Variants in STUM observed in about 807,000 individuals in gnomAD.
STUM encodes the protein stum, mechanosensory transduction mediator homolog.
A neutral mutation model predicts 15.3 loss-of-function variants in STUM; 8 were observed. The ratio of observed to expected loss-of-function variants is 0.52; its 90% CI spans 0.31 to 0.94. The LOEUF is 0.94. STUM is among the 40% of genes least tolerant of loss of function. The pLI, the probability that STUM is intolerant of heterozygous loss-of-function variation, is 0.05. For missense variants in STUM, 142 were observed against 204.9 expected, an observed-to-expected ratio of 0.69 and a Z score of 1.87; for synonymous variants, 78 against 88.7, an observed-to-expected ratio of 0.88 and a Z score of 0.68.
At chr1:226,590,292 T>C (rs1319432829) in intron 1 of STUM, among the ~76,000 whole-genome samples, 1 of 152,086 alleles carries the variant, frequency 6.6e-6, no homozygotes, top group Non-Finnish European at 1.5e-5. Flanking sequence ...CCCCCTGACC[T>C]CCTGCTCTGA....
intron 2 of STUM, among the ~76,000 whole-genome samples, chr1:226,598,245 G>A (rs953717926): frequency 6.6e-6 from 1 of 152,200 alleles, no homozygotes; most frequent in Non-Finnish European, 1.5e-5. Flanking sequence ...TGCTTCCCCA[G>A]GGGCCTGTGC....
intron 1 of STUM, among the ~76,000 whole-genome samples, chr1:226,570,265 G>A (rs945344042): frequency 2.0e-5 from 3 of 152,174 alleles, no homozygotes; most frequent in African/African-American, 7.2e-5. Flanking sequence ...AGCAGCCCAA[G>A]AAAAGACATA....
At chr1:226,594,657 T>C (rs894401761) in intron 1 of STUM, among the ~76,000 whole-genome samples, 4 of 150,598 alleles carry the variant, frequency 2.7e-5, no homozygotes, top group South Asian at 2.1e-4. Flanking sequence ...TGGAAGGAGA[T>C]TTTTTTTTTC....
chr1:226,566,407 A>G (rs1280353376), intron 1 of STUM, among the ~76,000 whole-genome samples: 3 of 152,198 alleles, frequency 2.0e-5, no homozygotes, highest in Non-Finnish European at 2.9e-5. Flanking sequence ...CAGGTTTTAT[A>G]ATAGAGATTC....
At chr1:226,554,463 T>C (rs1667417558) in intron 1 of STUM, among the ~76,000 whole-genome samples, 1 of 152,146 alleles carries the variant, frequency 6.6e-6, no homozygotes, top group Non-Finnish European at 1.5e-5. Flanking sequence ...AGGTGACCAA[T>C]AGATGAACTG....
Position 226,549,111 on chromosome 1 carries a change from G to A in STUM, c.202+5G>A. On this transcript the variant is annotated splice_donor_5th_base_variant and intron_variant, in intron 1 of 3. Transcript: ENST00000366788. This position sits in a 1 kb window ranked among gnomAD's most constrained non-coding sequence, Gnocchi z 6.8. ...ACACTTTCGTGCCGGGACTGGGTAAGACACGGCTGCCGCGACCCTTGCGAC... is the reference window on the plus strand; with the variant it reads ...ACACTTTCGTGCCGGGACTGGGTAAAACACGGCTGCCGCGACCCTTGCGAC... 1 of 1,573,980 alleles carries A rather than the reference G, an allele frequency of 6.4e-7. No homozygotes were observed. The highest frequency in any genetic ancestry group is 8.6e-7 in the Non-Finnish European group (1 of 1,163,046).
chr1:226,593,419 C>T (rs887414242), intron 1 of STUM, among the ~76,000 whole-genome samples: 1 of 152,156 alleles, frequency 6.6e-6, no homozygotes, highest in Non-Finnish European at 1.5e-5. Flanking sequence ...CATCCTCACC[C>T]TTCTCCTCCC....
At chr1:226,599,200 C>T (rs1020292982) in intron 2 of STUM, among the ~76,000 whole-genome samples, 5 of 152,166 alleles carry the variant, frequency 3.3e-5, no homozygotes, top group Non-Finnish European at 7.3e-5. Context: ...GGTGGGGACA[C>T]AGCCAAACCA....
chr1:226,601,050 G>A (rs947366350), intron 3 of STUM, among the ~76,000 whole-genome samples: 1 of 152,134 alleles, frequency 6.6e-6, no homozygotes, highest in Admixed American at 6.5e-5. Flanking sequence ...TAAGTTCACT[G>A]GCTAATAGGA....
chr1:226,550,544 C>T (rs1667358626), intron 1 of STUM, among the ~76,000 whole-genome samples: 1 of 151,988 alleles, frequency 6.6e-6, no homozygotes, highest in South Asian at 2.1e-4. Flanking sequence ...GCCTGCCCCT[C>T]CCTCTGGCGG....
chr1:226,574,090 C>T (rs527917970), intron 1 of STUM, among the ~76,000 whole-genome samples: 15 of 152,332 alleles, frequency 9.8e-5, no homozygotes, highest in African/African-American at 3.1e-4. Context: ...CCAGCCTCAG[C>T]CTCCCAAAGT....
At chr1:226,596,731 C>T in intron 1 of STUM, 71 bp from the exon 2 acceptor site, 1 of 1,408,390 alleles carries the variant, frequency 7.1e-7, no homozygotes, top group Non-Finnish European at 9.9e-7. Context: ...GGGCCCCAGG[C>T]CAGCAATGAG....
intron 1 of STUM, among the ~76,000 whole-genome samples, chr1:226,576,135 G>A (rs766036542): frequency 4.6e-5 from 7 of 152,230 alleles, no homozygotes; most frequent in Non-Finnish European, 8.8e-5. Context: ...AATGGAGCAC[G>A]ACTCCTCTTC....
chr1:226,583,778 CTT>C (rs1222835212), intron 1 of STUM, among the ~76,000 whole-genome samples: 1 of 152,186 alleles, frequency 6.6e-6, no homozygotes, highest in East Asian at 1.9e-4. Flanking sequence ...GTTGTCCTGG[CTT>C]GGTGAGGCAG....
chr1:226,553,221 T>C (rs190348479), intron 1 of STUM, among the ~76,000 whole-genome samples: 107 of 152,298 alleles, frequency 7.0e-4, no homozygotes, highest in African/African-American at 2.5e-3. Context: ...TAGTTACTTT[T>C]CATTAGAGTG....
In STUM at chr1:226,606,789, CAG is replaced by C. The variant is rs149247065; in HGVS notation, c.*4752_*4753del. 263 of 152,356 alleles carry C rather than the reference CAG, an allele frequency of 1.7e-3. 1 individual carries two copies. Among genetic ancestry groups the C allele is most frequent in the African/African-American group, 5.8e-3 (243 of 41,570 alleles). 9.4% of individuals were successfully genotyped at this position (152,356 alleles called of 1,614,324 possible). ...AGCCGGGCCTCAGGCTGAGGAAAAA[CAG>C]AGTTTCCTCTCCAGAGGGCTCAATG... On this transcript the variant is annotated 3_prime_UTR_variant, in exon 4 of 4. Coordinates refer to ENST00000366788, the MANE Select transcript of STUM (RefSeq NM_001003665.4).
At chr1:226,594,330 C>T (rs1335019447) in intron 1 of STUM, among the ~76,000 whole-genome samples, 2 of 152,210 alleles carry the variant, frequency 1.3e-5, no homozygotes, top group Admixed American at 1.3e-4. Context: ...CAGAAATCAG[C>T]ACATGGACTC....
Position 226,550,205 on chromosome 1 carries a change from G to C in STUM, c.202+1099G>C, listed in dbSNP as rs143968806. ...TCAGTTTGACTTTGGCCTTTCTCAC[G>C]GTCTCCTCGCTCTTCGCCTGCTTAG... On this transcript the variant is annotated intron_variant, in intron 1 of 3. Coordinates refer to ENST00000366788, the MANE Select transcript of STUM (RefSeq NM_001003665.4). Among the ~76,000 whole-genome samples the C allele has an allele frequency of 4.1e-3, 623 of 152,276 alleles. 6 individuals carry two copies. The highest frequency in any genetic ancestry group is 0.015 in the African/African-American group (604 of 41,526).
At chr1:226,559,327 G>A (rs73096975) in intron 1 of STUM, among the ~76,000 whole-genome samples, 5,752 of 152,186 alleles carry the variant, frequency 0.038, 346 homozygotes, top group African/African-American at 0.13. Flanking sequence ...ACTTTAGGGC[G>A]GCTGCAACCC....
Sources: allele counts gnomAD v4.1 joint callset (sites outside exome capture counted in the v4.1 genomes callset), GRCh38; gene constraint gnomAD v4.1.1; non-coding constraint Gnocchi (gnomAD v3.1); transcripts MANE v1.5; gene names NCBI Gene and HGNC (gene_info 2026-07-23, HGNC 2026-07-21).